The following SH3GL2 variants were observed in gnomAD, a reference collection of about 807,000 sequenced individuals.
SH3GL2 encodes endophilin-A1.
SH3GL2 carries 24 observed loss-of-function variants against 46.0 expected under a neutral mutation model. The observed-to-expected ratio is 0.52, with a 90% CI of 0.38 to 0.73. SH3GL2 has a LOEUF of 0.73. SH3GL2 is among the 30% of genes least tolerant of loss of function. The pLI is 0.00. For missense variants in SH3GL2, 413 were observed against 424.2 expected, an observed-to-expected ratio of 0.97 and a Z score of 0.23; for synonymous variants, 196 against 147.1, an observed-to-expected ratio of 1.33 and a Z score of -2.40.
intron 1 of SH3GL2, among the ~76,000 whole-genome samples, chr9:17,678,221 CAATGGTTGAACT>C (rs1820666247): frequency 6.6e-6 from 1 of 152,140 alleles, no homozygotes; most frequent in South Asian, 2.1e-4. Context: ...CTGACTTCCA[CAATGGTTGAACT>C]AGTTTACAGT....
intron 4 of SH3GL2, among the ~76,000 whole-genome samples, 189 bp downstream of exon 4, chr9:17,786,713 G>T (rs1051053546): frequency 6.6e-6 from 1 of 152,080 alleles, no homozygotes; most frequent in Non-Finnish European, 1.5e-5. Context: ...TATCTTACAA[G>T]TTTTCTTCCC....
chr9:17,747,033 A>T lies in SH3GL2; in HGVS notation c.46-33A>T, dbSNP rs778772161. 6.3e-6 allele frequency: 9 copies of T among 1,426,160 alleles called. No homozygotes were observed. In the South Asian group the frequency reaches 1.1e-4, roughly 17 times the overall value. 88.3% of individuals were successfully genotyped at this position (1,426,160 alleles called of 1,614,324 possible). ...AACACATTTTTTAAAGAAACTGTTT[A>T]TAATAATTCTCCTTTGTGGTTATTT... On this transcript the variant is annotated intron_variant, in intron 1 of 8. Coordinates refer to ENST00000380607, the MANE Select transcript of SH3GL2 (RefSeq NM_003026.5).
chr9:17,734,742 A>G (rs1268071809), intron 1 of SH3GL2, among the ~76,000 whole-genome samples: 1 of 152,140 alleles, frequency 6.6e-6, no homozygotes, highest in Non-Finnish European at 1.5e-5. Context: ...TAAAATGTCC[A>G]TAGTAGGTAA....
chr9:17,762,464 C>T (rs1209095854), intron 3 of SH3GL2, among the ~76,000 whole-genome samples: 1 of 151,768 alleles, frequency 6.6e-6, no homozygotes, highest in African/African-American at 2.4e-5. Context: ...GTACTAAGTG[C>T]TGGCTCCTTT....
At chr9:17,704,217 A>G (rs992441214) in intron 1 of SH3GL2, among the ~76,000 whole-genome samples, 2 of 152,116 alleles carry the variant, frequency 1.3e-5, no homozygotes, top group African/African-American at 4.8e-5. Flanking sequence ...TAAAACAACT[A>G]GGAAAACAGC....
intron 1 of SH3GL2, among the ~76,000 whole-genome samples, chr9:17,682,836 T>C (rs547195860): frequency 6.0e-4 from 91 of 152,238 alleles, no homozygotes; most frequent in African/African-American, 2.1e-3. Flanking sequence ...CAAGTTAACA[T>C]GATGTATGTG....
At position 17,795,780 on chromosome 9, in the gene SH3GL2, G is replaced by A. The variant is rs764276548; in HGVS notation, c.*37G>A. 6.5e-7 allele frequency: 1 copy of A among 1,538,102 alleles called. No individual in the cohort carries two copies. The highest frequency in any genetic ancestry group is 1.7e-5 in the Admixed American group (1 of 59,256). On this transcript the variant is annotated 3_prime_UTR_variant, in exon 9 of 9. Transcript: ENST00000380607. ...GGCTGGCTCGCCTCCTCTTGACCCA[G>A]ATAGTTACGGTTAACCACTGCTTTG...
At position 17,722,922 on chromosome 9, in the gene SH3GL2, C is replaced by G. The variant is rs558799744; in HGVS notation, c.46-24144C>G. Among the ~76,000 whole-genome samples the G allele has an allele frequency of 1.1e-4, 16 of 152,252 alleles. 1 individual carries two copies. The South Asian group carries it at 3.3e-3, about 32-fold the overall frequency. ...TCTTTGTGTCAGCTCATTATCTCAG[C>G]TTCACTGCTGATCCTTTCTCTCACA... is the stretch of plus-strand genomic sequence containing the variant. On this transcript the variant is annotated intron_variant, in intron 1 of 8. Transcript: ENST00000380607.
At chr9:17,729,988 T>C (rs1311040718) in intron 1 of SH3GL2, among the ~76,000 whole-genome samples, 1 of 152,022 alleles carries the variant, frequency 6.6e-6, no homozygotes, top group African/African-American at 2.4e-5. Context: ...TTTTTTCTAA[T>C]TCTGTGAAGA....
chr9:17,749,454 C>A (rs1239619210), intron 2 of SH3GL2, among the ~76,000 whole-genome samples: 1 of 152,164 alleles, frequency 6.6e-6, no homozygotes, highest in African/African-American at 2.4e-5. Context: ...CTCCTTCCCC[C>A]TCACCCCTGG....
At chr9:17,632,665 C>A (rs1250860678) in intron 1 of SH3GL2, among the ~76,000 whole-genome samples, 1 of 152,062 alleles carries the variant, frequency 6.6e-6, no homozygotes, top group Non-Finnish European at 1.5e-5. Context: ...TTTTATGGCC[C>A]TGAAATAACA....
intron 3 of SH3GL2, among the ~76,000 whole-genome samples, chr9:17,770,858 C>T (rs901825829): frequency 6.6e-6 from 1 of 152,174 alleles, no homozygotes; most frequent in African/African-American, 2.4e-5. Context: ...ACAGCCCGGA[C>T]TCAGGAAGAC....
chr9:17,674,359 C>T (rs1346795767), intron 1 of SH3GL2, among the ~76,000 whole-genome samples: 2 of 152,096 alleles, frequency 1.3e-5, no homozygotes, highest in Non-Finnish European at 2.9e-5. Context: ...CTCCGCCTCA[C>T]GAGTTCAAGC....
At chr9:17,633,310 T>G (rs1466379897) in intron 1 of SH3GL2, among the ~76,000 whole-genome samples, 5 of 152,150 alleles carry the variant, frequency 3.3e-5, no homozygotes, top group African/African-American at 1.2e-4. Context: ...GCAAGCCCAG[T>G]CCATTGATGT....
At chr9:17,794,163 C>T (rs369267552) in intron 8 of SH3GL2, among the ~76,000 whole-genome samples, 1 of 152,130 alleles carries the variant, frequency 6.6e-6, no homozygotes, top group South Asian at 2.1e-4. Context: ...GCATTCTTTA[C>T]CTTGTCACAC....
At chr9:17,659,646 C>A (rs1001405941) in intron 1 of SH3GL2, among the ~76,000 whole-genome samples, 1 of 152,082 alleles carries the variant, frequency 6.6e-6, no homozygotes, top group East Asian at 1.9e-4. Flanking sequence ...GGTGGTATAA[C>A]CCAGAAATGC....
intron 1 of SH3GL2, among the ~76,000 whole-genome samples, chr9:17,698,368 C>G (rs1821260924): frequency 6.6e-6 from 1 of 152,048 alleles, no homozygotes; most frequent in African/African-American, 2.4e-5. Context: ...CCAGGCTGCT[C>G]TAACTTTTGG....
intron 1 of SH3GL2, among the ~76,000 whole-genome samples, chr9:17,656,897 C>T (rs949346628): frequency 7.9e-5 from 12 of 150,950 alleles, no homozygotes; most frequent in African/African-American, 2.4e-4. Context: ...TCCAGAAACA[C>T]TTAAGAAGTT....
intron 1 of SH3GL2, among the ~76,000 whole-genome samples, chr9:17,692,013 A>G (rs118117807): frequency 0.01 from 1,557 of 152,292 alleles, 17 homozygotes; most frequent in Middle Eastern, 0.024. Context: ...TCATTTCTGA[A>G]GTATTCTTTC....
Sources: allele counts gnomAD v4.1 joint callset (sites outside exome capture counted in the v4.1 genomes callset), GRCh38; gene constraint gnomAD v4.1.1; transcripts MANE v1.5; gene names NCBI Gene and HGNC (gene_info 2026-07-23, HGNC 2026-07-21).